Variants in AFF2 observed in about 807,000 individuals in gnomAD.
AFF2 encodes ALF transcription elongation factor 2.
In AFF2, 14 loss-of-function variants were observed where a neutral mutation model predicts 76.9. The observed-to-expected ratio is 0.18, with a 90% confidence interval of 0.12 to 0.28. The LOEUF is 0.28. AFF2 is among the 10% of genes least tolerant of loss of function. AFF2 has a pLI of 1.00. For missense variants in AFF2, 868 were observed against 1,001.1 expected (o/e 0.87, Z 1.79); for synonymous variants, 398 against 366.7 (o/e 1.09, Z -0.98).
intron 1 of AFF2, among the ~76,000 whole-genome samples, chrX:148,521,370 G>A (rs1557234453): frequency 2.7e-5 from 2 of 73,353 alleles, no homozygotes; most frequent in Non-Finnish European, 4.8e-5. Context: ...AAAAGCACGT[G>A]CATGCACACA....
At position 148,765,393 on chromosome X, in the gene AFF2, T is replaced by G. The variant is rs1557267625; in HGVS notation, c.1042-44483T>G. Among the ~76,000 whole-genome samples, 6 of 111,856 alleles carry G rather than the reference T, an allele frequency of 5.4e-5. No homozygotes were observed. The South Asian group carries it at 2.3e-3, about 42-fold the overall frequency. Reference sequence around the variant, plus strand: ...TGTCATACAATGATGCATATTATTGTAGATTGTGAAACTCCTAATTTCATT... The same window carrying G: ...TGTCATACAATGATGCATATTATTGGAGATTGTGAAACTCCTAATTTCATT... On this transcript the variant is annotated intron_variant, in intron 3 of 20. Transcript: ENST00000370460.
intron 3 of AFF2, among the ~76,000 whole-genome samples, chrX:148,806,191 G>A (rs1191027120): frequency 3.6e-5 from 4 of 112,524 alleles, no homozygotes; most frequent in Middle Eastern, 4.6e-3. Flanking sequence ...CTGCGAAGAC[G>A]TGTGGGTGTG....
At chrX:148,940,793 T>C (rs2071824905) in intron 9 of AFF2, among the ~76,000 whole-genome samples, 1 of 111,749 alleles carries the variant, frequency 8.9e-6, no homozygotes, top group African/African-American at 3.3e-5. Flanking sequence ...AGACTTCCTC[T>C]TGACGTCAAA....
chrX:148,796,155 G>T (rs1557270427), intron 3 of AFF2, among the ~76,000 whole-genome samples: 1 of 109,045 alleles, frequency 9.2e-6, no homozygotes, highest in Non-Finnish European at 1.9e-5. Flanking sequence ...ATCTTGAGTT[G>T]GGAGCTTTTA....
At chrX:148,630,177 A>G (rs1243778966) in intron 1 of AFF2, among the ~76,000 whole-genome samples, 1 of 110,608 alleles carries the variant, frequency 9.0e-6, no homozygotes, top group Non-Finnish European at 1.9e-5. Context: ...TTCCGTAGAG[A>G]CCTGTGTGCA....
In AFF2 at chrX:148,662,259, C is replaced by T; in HGVS notation, c.532C>T (p.Pro178Ser). The T allele has an allele frequency of 8.3e-7, 1 of 1,211,675 alleles. No individual in the cohort carries two copies. Among genetic ancestry groups the T allele is most frequent in the Non-Finnish European group, 1.1e-6 (1 of 895,547 alleles). Residue 178 changes from proline to serine, a missense_variant, in exon 3 of 21, where the codon CCA (proline) becomes TCA (serine). Transcript: ENST00000370460. ...ACTGGCAAGCCAGGCCAGTGGTCAGCCAAACAAGATGCAGACTTTGACACA... is the reference window on the plus strand; with the variant it reads ...ACTGGCAAGCCAGGCCAGTGGTCAGTCAAACAAGATGCAGACTTTGACACA... Reference protein sequence around the residue: ...TVLASQASGQPNKMQTLTQDQ... With the variant: ...TVLASQASGQSNKMQTLTQDQ...
chrX:148,663,669 C>T (rs782696690), intron 3 of AFF2, among the ~76,000 whole-genome samples: 145 of 112,217 alleles, frequency 1.3e-3, no homozygotes, highest in African/African-American at 4.4e-3. Flanking sequence ...AGATTGGATT[C>T]CTGTCACTGG....
At chrX:148,741,330 G>A (rs1366714112) in intron 3 of AFF2, among the ~76,000 whole-genome samples, 2 of 110,630 alleles carry the variant, frequency 1.8e-5, no homozygotes, top group South Asian at 3.9e-4. Context: ...GTGGGGGATG[G>A]GGGTGAGATT....
At chrX:148,792,547 T>G (rs1603301585) in intron 3 of AFF2, among the ~76,000 whole-genome samples, 1 of 113,210 alleles carries the variant, frequency 8.8e-6, no homozygotes, top group Non-Finnish European at 1.9e-5. Context: ...TTTTCATTTT[T>G]GTACCTTACC....
chrX:148,697,562 T>C (rs1460831046), intron 3 of AFF2, among the ~76,000 whole-genome samples: 1 of 111,627 alleles, frequency 9.0e-6, no homozygotes, highest in Non-Finnish European at 1.9e-5. Flanking sequence ...TTCATACCAT[T>C]TTTCCTTATA....
chrX:148,979,492 C>T lies in AFF2; in HGVS notation c.3570+1037C>T, dbSNP rs140122959. Among the ~76,000 whole-genome samples the T allele has an allele frequency of 7.2e-3, 810 of 111,900 alleles. 9 individuals are homozygous for T. The highest frequency in any genetic ancestry group is 0.024 in the African/African-American group (751 of 30,727). On this transcript the variant is annotated intron_variant, in intron 18 of 20. Coordinates refer to ENST00000370460, the MANE Select transcript of AFF2 (RefSeq NM_002025.4). ...AAGTTCTTTATTGAACTTCAGTGGG[C>T]ATCAGAATCCCCCAGAGGGCTTGTG...
rs572446242 is a variant in AFF2 at position 148,693,244 on chromosome X, T to C, written c.1041+30476T>C. Among the ~76,000 whole-genome samples the C allele has an allele frequency of 2.1e-4, 24 of 111,838 alleles. No homozygotes were observed. In the South Asian group the frequency reaches 9.0e-3, roughly 42 times the overall value. Reference sequence around the variant, plus strand: ...GGTGCCAGGTTTTTAAGCCCCTGCATCAACTAGTAATTGGATGTGGGCTGC... The same window carrying C: ...GGTGCCAGGTTTTTAAGCCCCTGCACCAACTAGTAATTGGATGTGGGCTGC... On this transcript the variant is annotated intron_variant, in intron 3 of 20. Coordinates refer to ENST00000370460, the MANE Select transcript of AFF2 (RefSeq NM_002025.4).
chrX:148,716,870 A>G, intron 3 of AFF2, among the ~76,000 whole-genome samples: 1 of 111,855 alleles, frequency 8.9e-6, no homozygotes, highest in Middle Eastern at 4.7e-3. Context: ...AATACAGCAA[A>G]CTAAATTCTT....
chrX:148,956,591 C>G lies in AFF2; in HGVS notation c.2546C>G (p.Pro849Arg), dbSNP rs1557287428. ...TAVTAVEKPAPKGKRKHKPIE... is the reference protein window; with the variant it reads ...TAVTAVEKPARKGKRKHKPIE... The stretch of plus-strand genomic sequence containing the variant: ...GTCACAGCTGTGGAGAAACCAGCCC[C>G]TAAGGGCAAACGTAAGCACAAGGTA... The change falls in exon 11 of 21, where the codon CCT (proline) becomes CGT (arginine). Residue 849 changes from proline to arginine, a missense_variant. Around this residue, in one of 6 missense-constraint regions of AFF2, gnomAD observed 532 missense variants for 564.2 expected, o/e 0.94. Coordinates refer to ENST00000370460, the MANE Select transcript of AFF2 (RefSeq NM_002025.4). 3 of 1,210,748 alleles carry G rather than the reference C, an allele frequency of 2.5e-6. No homozygotes were observed. In the African/African-American group the frequency reaches 5.2e-5, roughly 21 times the overall value.
chrX:148,802,707 G>A (rs2070076377), intron 3 of AFF2, among the ~76,000 whole-genome samples: 2 of 110,931 alleles, frequency 1.8e-5, no homozygotes, highest in Non-Finnish European at 3.8e-5. Context: ...AGGTTTTTTC[G>A]CTACTTTATA....
chrX:148,513,990 C>T (rs937572947), intron 1 of AFF2, among the ~76,000 whole-genome samples: 1 of 111,059 alleles, frequency 9.0e-6, no homozygotes, highest in Admixed American at 9.6e-5. Context: ...GGAAGAGGGC[C>T]CACTCATAAA....
chrX:148,837,416 C>T (rs990036055), intron 4 of AFF2, among the ~76,000 whole-genome samples: 1 of 111,581 alleles, frequency 9.0e-6, no homozygotes, highest in African/African-American at 3.3e-5. Context: ...GAAGAATAGC[C>T]TGATGATGCT....
intron 9 of AFF2, among the ~76,000 whole-genome samples, chrX:148,941,419 G>C (rs1053154879): frequency 3.6e-5 from 4 of 111,715 alleles, no homozygotes; most frequent in Non-Finnish European, 5.6e-5. Context: ...ATGTAGGCTG[G>C]GTTGGCTAAT....
intron 3 of AFF2, among the ~76,000 whole-genome samples, chrX:148,680,559 G>C (rs2054536407): frequency 9.0e-6 from 1 of 111,577 alleles, no homozygotes; most frequent in East Asian, 2.8e-4. Flanking sequence ...AATCAACTTC[G>C]TTTGACCTTT....
Sources: allele counts gnomAD v4.1 joint callset (sites outside exome capture counted in the v4.1 genomes callset), GRCh38; gene constraint gnomAD v4.1.1; regional missense constraint gnomAD v4.1.1; transcripts MANE v1.5; gene names NCBI Gene and HGNC (gene_info 2026-07-23, HGNC 2026-07-21).